The following NAPEPLD variants were observed in gnomAD, a reference collection of about 807,000 sequenced individuals.
NAPEPLD encodes N-acyl-phosphatidylethanolamine-hydrolyzing phospholipase D.
NAPEPLD carries 23 observed loss-of-function variants against 38.1 expected under a neutral mutation model. The ratio of observed to expected loss-of-function variants is 0.60; its 90% CI spans 0.43 to 0.86. The LOEUF (loss-of-function observed/expected upper bound fraction) is 0.86. Ranked by LOEUF, NAPEPLD falls within the 40% of genes least tolerant of loss-of-function variation. The probability of loss-of-function intolerance (pLI) is 0.00; values close to 1 mark genes in which losing one functional copy is unlikely to be tolerated. For missense variants in NAPEPLD, 411 were observed against 476.8 expected (o/e 0.86, Z 1.28); for synonymous variants, 147 against 162.0 (o/e 0.91, Z 0.71).
intron 1 of NAPEPLD, among the ~76,000 whole-genome samples, chr7:103,137,233 C>T (rs368524111): frequency 4.1e-4 from 63 of 152,338 alleles, no homozygotes; most frequent in African/African-American, 1.4e-3. Context: ...CCACTGCTTC[C>T]GGCCCCAAAT....
intron 2 of NAPEPLD, chr7:103,127,695 T>C (rs202146648): frequency 6.6e-5 from 10 of 151,970 alleles, no homozygotes. Context: ...AGGGAAATAA[T>C]TGTCATAAAT....
At chr7:103,132,802 AAAG>A (rs1033268031) in intron 1 of NAPEPLD, among the ~76,000 whole-genome samples, 3 of 152,014 alleles carry the variant, frequency 2.0e-5, no homozygotes, top group African/African-American at 7.2e-5. Context: ...GAAAGAAAGA[AAAG>A]AAACAAAAAG....
In NAPEPLD at chr7:103,103,445, TC is replaced by T; in HGVS notation, c.1165del (p.Asp389MetfsTer14). ...TCACATTTATTAAAAGTTTTCATCA[TC>T]ATTATTTAGGTATCTTGATTCTCCA... ...KHGESRYLNN[D>X]DENF On this transcript the variant is annotated frameshift_variant, in exon 5 of 5. Transcript: ENST00000465647. LOFTEE classifies it high-confidence loss of function. 6.4e-7 allele frequency: 1 copy of T among 1,568,190 alleles called. No homozygotes were observed. Among genetic ancestry groups the T allele is most frequent in the Non-Finnish European group, 8.6e-7 (1 of 1,166,188 alleles).
rs139580479 is a variant in NAPEPLD at position 103,113,971 on chromosome 7, T to C, written c.1056+1089A>G. On this transcript the variant is annotated intron_variant, in intron 4 of 4. Coordinates refer to ENST00000465647, the MANE Select transcript of NAPEPLD (RefSeq NM_001122838.3). ...TGGAGTATAGTGGCACAATCTCGACTTACTGCAACCTCTACTTCCTGGGTT... is the reference window on the plus strand; with the variant it reads ...TGGAGTATAGTGGCACAATCTCGACCTACTGCAACCTCTACTTCCTGGGTT... Among the ~76,000 whole-genome samples the C allele has an allele frequency of 4.2e-3, 628 of 151,004 alleles. 5 individuals are homozygous for C. The highest frequency in any genetic ancestry group is 0.015 in the African/African-American group (601 of 40,940).
chr7:103,125,894 AAT>A, intron 2 of NAPEPLD, among the ~76,000 whole-genome samples: 2 of 14,992 alleles, frequency 1.3e-4, no homozygotes, highest in Non-Finnish European at 9.6e-4. Context: ...TCTCAAAAAT[AAT>A]AATAATAATA....
chr7:103,117,755 A>G (rs1480599572), intron 3 of NAPEPLD, among the ~76,000 whole-genome samples: 2 of 152,226 alleles, frequency 1.3e-5, no homozygotes, highest in Non-Finnish European at 1.5e-5. Context: ...CTGCAATGCA[A>G]GCAGGAAAGG....
At chr7:103,123,425 G>C (rs150075103) in intron 2 of NAPEPLD, among the ~76,000 whole-genome samples, 1 of 152,134 alleles carries the variant, frequency 6.6e-6, no homozygotes, top group Non-Finnish European at 1.5e-5. Context: ...ATGCCAAGAG[G>C]TATACTTATC....
At chr7:103,137,122 T>C (rs1342609081) in intron 1 of NAPEPLD, among the ~76,000 whole-genome samples, 2 of 152,168 alleles carry the variant, frequency 1.3e-5, no homozygotes, top group Non-Finnish European at 2.9e-5. Flanking sequence ...GTATTTTTAG[T>C]AGAGACAGGT....
intron 1 of NAPEPLD, among the ~76,000 whole-genome samples, chr7:103,145,613 C>T (rs560851253): frequency 2.6e-5 from 4 of 152,320 alleles, no homozygotes; most frequent in Admixed American, 2.6e-4. Flanking sequence ...TACATTCCCT[C>T]TAAGGTCCCT....
chr7:103,107,118 G>A (rs1437611414), intron 4 of NAPEPLD, among the ~76,000 whole-genome samples: 2 of 152,176 alleles, frequency 1.3e-5, no homozygotes, highest in Non-Finnish European at 2.9e-5. Flanking sequence ...ACAGGGTCTG[G>A]AGTGGACCTC....
intron 1 of NAPEPLD, 79 bp from the exon 2 acceptor site, chr7:103,128,871 A>C: frequency 7.0e-7 from 1 of 1,420,966 alleles, no homozygotes; most frequent in South Asian, 1.4e-5. Context: ...TTTGTTAGCC[A>C]ATAAAAATTT....
At chr7:103,130,265 A>C (rs763080918) in intron 1 of NAPEPLD, among the ~76,000 whole-genome samples, 2 of 152,332 alleles carry the variant, frequency 1.3e-5, no homozygotes, top group South Asian at 4.1e-4. Flanking sequence ...CTTTTTTTCC[A>C]AACTGTCTAG....
At chr7:103,140,455 T>G (rs542924462) in intron 1 of NAPEPLD, among the ~76,000 whole-genome samples, 54 of 137,970 alleles carry the variant, frequency 3.9e-4, no homozygotes, top group African/African-American at 1.1e-3. Context: ...TGCAGTGGCG[T>G]GATCTCGGCT....
chr7:103,141,892 G>T, intron 1 of NAPEPLD: 1 of 1,029,260 alleles, frequency 9.7e-7, no homozygotes, highest in Non-Finnish European at 1.5e-6. Flanking sequence ...TCTTGCCACA[G>T]CAGAGGACAC....
At position 103,148,842 on chromosome 7, in the gene NAPEPLD, TAATTTGCAGGG is replaced by T. The variant is rs772885822; in HGVS notation, c.-59_-49del. On this transcript the variant is annotated 5_prime_UTR_variant, in exon 1 of 5. Coordinates refer to ENST00000465647, the MANE Select transcript of NAPEPLD (RefSeq NM_001122838.3). ...TCCTATCAGTGAAGATGCAACCTGG[TAATTTGCAGGG>T]AAGATAGGATCTCAAATCCCAGACA... 5.3e-5 allele frequency: 52 copies of T among 985,086 alleles called. No homozygotes were observed. Among genetic ancestry groups the T allele is most frequent in the Non-Finnish European group, 6.0e-5 (50 of 829,896 alleles). The allele number at this position is 985,086 out of a possible 1,614,324, so 61.0% of individuals were successfully genotyped here. A position where few individuals can be genotyped will look rare whatever the true frequency, so the allele number is the denominator to read the frequency against.
chr7:103,138,773 T>C (rs950959206), intron 1 of NAPEPLD, among the ~76,000 whole-genome samples: 1 of 152,256 alleles, frequency 6.6e-6, no homozygotes, highest in Non-Finnish European at 1.5e-5. Context: ...CCCAGCCTTC[T>C]GTAGCCTTTA....
intron 3 of NAPEPLD, among the ~76,000 whole-genome samples, chr7:103,116,072 T>TTTC (rs1805504675): frequency 6.6e-6 from 1 of 151,684 alleles, no homozygotes; most frequent in African/African-American, 2.4e-5. Context: ...TTCTTTTTTT[T>TTTC]TTTTTCTGAG....
At position 103,102,979 on chromosome 7, in the gene NAPEPLD, T is replaced by C. The variant is rs1802612647; in HGVS notation, c.*450A>G. The C allele has an allele frequency of 6.5e-6, 1 of 152,724 alleles. No homozygotes were observed. The highest frequency in any genetic ancestry group is 6.5e-5 in the Admixed American group (1 of 15,278). 9.5% of individuals were successfully genotyped at this position (152,724 alleles called of 1,614,324 possible). On this transcript the variant is annotated 3_prime_UTR_variant, in exon 5 of 5. Coordinates refer to ENST00000465647, the MANE Select transcript of NAPEPLD (RefSeq NM_001122838.3). ...CTGAATTTCATCATTTATTAGAATG[T>C]GCATATAAGAAAGATACTTGTATTT...
chr7:103,110,958 G>A (rs779056582), intron 4 of NAPEPLD, among the ~76,000 whole-genome samples: 1 of 151,572 alleles, frequency 6.6e-6, no homozygotes, highest in African/African-American at 2.4e-5. Context: ...AAAGCGAGCA[G>A]AAGACCAATA....
Sources: gnomAD v4.1 joint callset for allele counts (sites outside exome capture counted in the v4.1 genomes callset) on GRCh38, gnomAD v4.1.1 for gene constraint, MANE v1.5 for transcripts, NCBI Gene and HGNC (gene_info 2026-07-23, HGNC 2026-07-21) for gene names.